Variants in SNX7 observed in about 807,000 individuals in gnomAD.
SNX7 encodes sorting nexin-7.
In SNX7, 35 loss-of-function variants were observed where a neutral mutation model predicts 48.4. That is an observed-to-expected ratio of 0.72 (90% confidence interval 0.55 to 0.96). The LOEUF is 0.96. Ranked by LOEUF, SNX7 falls within the 40% of genes least tolerant of loss-of-function variation. SNX7 has a pLI of 0.00. For synonymous variants in SNX7, 190 were observed against 190.2 expected, an observed-to-expected ratio of 1.00 and a Z score of 0.01; for missense variants, 553 against 548.9, an observed-to-expected ratio of 1.01 and a Z score of -0.07.
intron 7 of SNX7, among the ~76,000 whole-genome samples, chr1:98,733,743 G>A (rs1436495724): frequency 6.6e-6 from 1 of 151,982 alleles, no homozygotes; most frequent in East Asian, 1.9e-4. Context: ...AGACTAGATG[G>A]ATGCTGAGTG....
intron 4 of SNX7, among the ~76,000 whole-genome samples, chr1:98,694,894 A>C (rs1473703610): frequency 4.0e-5 from 6 of 151,852 alleles, no homozygotes; most frequent in Admixed American, 2.0e-4. Context: ...GACGTGAGCC[A>C]CTGCACCCGG....
At chr1:98,712,364 A>G (rs1026338671) in intron 7 of SNX7, among the ~76,000 whole-genome samples, 2 of 152,216 alleles carry the variant, frequency 1.3e-5, no homozygotes, top group Admixed American at 6.5e-5. Flanking sequence ...TCAAAAGTCT[A>G]AATGACTCAT....
intron 8 of SNX7, among the ~76,000 whole-genome samples, chr1:98,757,952 C>T (rs12406053): frequency 0.26 from 39,944 of 151,910 alleles, 5,569 homozygotes; most frequent in South Asian, 0.31. Flanking sequence ...CATTAGGACA[C>T]TCCAATGTGA....
intron 1 of SNX7, among the ~76,000 whole-genome samples, chr1:98,663,282 T>G (rs1162894670): frequency 8.8e-6 from 1 of 113,044 alleles, no homozygotes; most frequent in East Asian, 2.5e-4. Flanking sequence ...TTTTTTTTTT[T>G]TTTTTTTTTT....
chr1:98,690,065 A>G (rs1651029665), intron 2 of SNX7, among the ~76,000 whole-genome samples: 1 of 152,128 alleles, frequency 6.6e-6, no homozygotes, highest in East Asian at 1.9e-4. Flanking sequence ...GACATTGAAG[A>G]TTGCATCTTA....
Position 98,755,175 on chromosome 1 carries a change from G to T in SNX7, c.1279-4879G>T, listed in dbSNP as rs373056458. Among the ~76,000 whole-genome samples, 25 of 152,146 alleles carry T rather than the reference G, an allele frequency of 1.6e-4. No homozygotes were observed. The East Asian group carries it at 3.1e-3, about 19-fold the overall frequency. On this transcript the variant is annotated intron_variant, in intron 8 of 8. Coordinates refer to ENST00000306121, the MANE Select transcript of SNX7 (RefSeq NM_015976.5). ...TATGTTCAGAGAACATACTTTATAT[G>T]ACTTGAATCTTTTAAAATTTATCAA... is the stretch of plus-strand genomic sequence containing the variant.
At chr1:98,689,155 G>A (rs1302893371) in intron 2 of SNX7, among the ~76,000 whole-genome samples, 3 of 151,984 alleles carry the variant, frequency 2.0e-5, no homozygotes, top group South Asian at 2.1e-4. Context: ...TGCCTGCCTC[G>A]GCCTCCCAAA....
Position 98,727,534 on chromosome 1 carries a change from C to G in SNX7, c.1126-10703C>G, listed in dbSNP as rs941258494. Among the ~76,000 whole-genome samples the G allele has an allele frequency of 3.3e-5, 5 of 152,074 alleles. No individual in the cohort carries two copies. The South Asian group carries it at 1.0e-3, about 31-fold the overall frequency. ...CTGGGCTGAGGCTGAGACGGATGAACTGACAGAAGTAGACGTTTCAGAAGG... is the reference window on the plus strand; with the variant it reads ...CTGGGCTGAGGCTGAGACGGATGAAGTGACAGAAGTAGACGTTTCAGAAGG... On this transcript the variant is annotated intron_variant, in intron 7 of 8. Coordinates refer to ENST00000306121, the MANE Select transcript of SNX7 (RefSeq NM_015976.5).
intron 1 of SNX7, among the ~76,000 whole-genome samples, chr1:98,673,761 C>A (rs1054488562): frequency 7.9e-5 from 12 of 152,134 alleles, no homozygotes; most frequent in African/African-American, 2.4e-5. Flanking sequence ...CATCCCTATA[C>A]CACAAATTTA....
chr1:98,719,872 A>T (rs28435581), intron 7 of SNX7, among the ~76,000 whole-genome samples: 1 of 18,512 alleles, frequency 5.4e-5, no homozygotes, highest in Admixed American at 4.5e-4. Flanking sequence ...TATATATATA[A>T]AATATATATT....
At chr1:98,665,625 A>G (rs994940374) in intron 1 of SNX7, among the ~76,000 whole-genome samples, 2 of 152,086 alleles carry the variant, frequency 1.3e-5, no homozygotes, top group African/African-American at 4.8e-5. Flanking sequence ...TTTTGCTCTT[A>G]TTATCTAGGT....
intron 7 of SNX7, among the ~76,000 whole-genome samples, chr1:98,709,609 A>G (rs904436218): frequency 6.6e-6 from 1 of 152,320 alleles, no homozygotes; most frequent in Non-Finnish European, 1.5e-5. Flanking sequence ...ATGAGACCTC[A>G]TGAGAAAGCT....
At chr1:98,688,771 T>C (rs111798474) in intron 2 of SNX7, among the ~76,000 whole-genome samples, 54 of 152,360 alleles carry the variant, frequency 3.5e-4, no homozygotes, top group African/African-American at 1.3e-3. Flanking sequence ...AACTGTATTC[T>C]ATGTTAGAAG....
At chr1:98,745,655 T>A (rs1048782738) in intron 8 of SNX7, among the ~76,000 whole-genome samples, 1 of 152,108 alleles carries the variant, frequency 6.6e-6, no homozygotes, top group African/African-American at 2.4e-5. Context: ...AGAAGTTTAC[T>A]CAGTCTAGCC....
intron 7 of SNX7, among the ~76,000 whole-genome samples, chr1:98,712,530 T>G (rs541537072): frequency 2.4e-4 from 37 of 152,134 alleles, no homozygotes; most frequent in Non-Finnish European, 4.7e-4. Flanking sequence ...ATCTCAAGAG[T>G]GGGCTTAAAA....
At chr1:98,682,032 AG>A (rs1650518182) in intron 1 of SNX7, among the ~76,000 whole-genome samples, 1 of 152,098 alleles carries the variant, frequency 6.6e-6, no homozygotes, top group South Asian at 2.1e-4. Context: ...GATCTAACAT[AG>A]GCATGCTTCC....
At chr1:98,706,985 T>G (rs142758302) in intron 7 of SNX7, among the ~76,000 whole-genome samples, 184 of 152,268 alleles carry the variant, frequency 1.2e-3, no homozygotes, top group African/African-American at 4.1e-3. Flanking sequence ...CATGTAAAAA[T>G]TCATAGGTTC....
chr1:98,662,114 C>T (rs2100891250), intron 1 of SNX7: 1 of 423,892 alleles, frequency 2.4e-6, no homozygotes, highest in East Asian at 3.7e-5. Context: ...GGCCTCAAAC[C>T]GCAGCCGCTC....
In SNX7 at chr1:98,722,476, A is replaced by G. The variant is rs182076870; in HGVS notation, c.1126-15761A>G. Among the ~76,000 whole-genome samples, 559 of 152,284 alleles carry G rather than the reference A, an allele frequency of 3.7e-3. 4 individuals carry two copies. Among genetic ancestry groups the G allele is most frequent in the African/African-American group, 0.013 (520 of 41,574 alleles). On this transcript the variant is annotated intron_variant, in intron 7 of 8. Coordinates refer to ENST00000306121, the MANE Select transcript of SNX7 (RefSeq NM_015976.5). ...GTTAAGAAGAGGTAGCTGTCAGATT[A>G]GAAATGAATTTCAGAATTTTCTATT...
Sources: allele counts gnomAD v4.1 joint callset (sites outside exome capture counted in the v4.1 genomes callset), GRCh38; gene constraint gnomAD v4.1.1; transcripts MANE v1.5; gene names NCBI Gene and HGNC (gene_info 2026-07-23, HGNC 2026-07-21).